Variants in PLCG2 observed in about 807,000 individuals in gnomAD.
The protein encoded by PLCG2 is phospholipase C gamma 2, also known as 1-phosphatidylinositol 4,5-bisphosphate phosphodiesterase gamma-2.
A neutral mutation model predicts 175.6 loss-of-function variants in PLCG2; 69 were observed. That is an observed-to-expected ratio of 0.39 (90% confidence interval 0.32 to 0.48). The LOEUF is 0.48. Ranked by LOEUF, PLCG2 falls within the 20% of genes least tolerant of loss-of-function variation. PLCG2 has a pLI of 0.91. For missense variants in PLCG2, 1,798 were observed against 1,650.9 expected (o/e 1.09, Z -1.54); for synonymous variants, 827 against 624.0 (o/e 1.33, Z -4.85).
intron 1 of PLCG2, among the ~76,000 whole-genome samples, chr16:81,751,839 T>C (rs540925019): frequency 1.4e-4 from 21 of 152,062 alleles, no homozygotes; most frequent in African/African-American, 4.6e-4. Flanking sequence ...CTGGCCACCA[T>C]GGTGAAATCT....
At chr16:81,825,771 C>T (rs1162324320) in intron 2 of PLCG2, among the ~76,000 whole-genome samples, 1 of 152,210 alleles carries the variant, frequency 6.6e-6, no homozygotes, top group African/African-American at 2.4e-5. Context: ...TAAATATTTA[C>T]TGAGCCCCTC....
In PLCG2 at chr16:81,962,395, A is replaced by C. The variant is rs1911810606; in HGVS notation, c.*4397A>C. 1 of 211,844 alleles carries C rather than the reference A, an allele frequency of 4.7e-6. No individual in the cohort carries two copies. 13.1% of individuals were successfully genotyped at this position (211,844 alleles called of 1,614,324 possible). A position where few individuals can be genotyped will look rare whatever the true frequency, so the allele number is the denominator to read the frequency against. ...AAATTGGCATTTAAAAATACTCAAT[A>C]ATTTGTCCCTGGTTTTTAATTTTCA... On this transcript the variant is annotated 3_prime_UTR_variant, in exon 33 of 33. Coordinates refer to ENST00000564138, the MANE Select transcript of PLCG2 (RefSeq NM_002661.5).
At chr16:81,870,415 T>C (rs1448253102) in intron 6 of PLCG2, among the ~76,000 whole-genome samples, 1 of 152,216 alleles carries the variant, frequency 6.6e-6, no homozygotes, top group African/African-American at 2.4e-5. Flanking sequence ...GACCTATATG[T>C]ACGTACTCTA....
upstream of PLCG2, among the ~76,000 whole-genome samples, chr16:81,778,578 A>G (rs920334334): frequency 6.6e-6 from 1 of 152,204 alleles, no homozygotes; most frequent in African/African-American, 2.4e-5. Context: ...CCATGAGATC[A>G]GGAAAACGGG....
intron 1 of PLCG2, among the ~76,000 whole-genome samples, chr16:81,747,508 C>T (rs1438146452): frequency 5.3e-5 from 8 of 152,082 alleles, no homozygotes; most frequent in Non-Finnish European, 1.2e-4. Context: ...GCACTCCAGC[C>T]TGGGCGACAG....
intron 2 of PLCG2, among the ~76,000 whole-genome samples, chr16:81,763,335 C>T (rs1910078276): frequency 6.6e-6 from 1 of 152,212 alleles, no homozygotes; most frequent in Admixed American, 6.5e-5. Context: ...GCAACAATAA[C>T]TCAGATTTTC....
intron 2 of PLCG2, among the ~76,000 whole-genome samples, chr16:81,832,252 T>C (rs1295430154): frequency 2.0e-5 from 3 of 152,206 alleles, no homozygotes; most frequent in Non-Finnish European, 4.4e-5. Context: ...GAGGTGGCAG[T>C]CACCATCAGA....
intron 2 of PLCG2, among the ~76,000 whole-genome samples, chr16:81,807,427 A>C (rs1358428011): frequency 2.6e-5 from 4 of 152,190 alleles, no homozygotes; most frequent in Non-Finnish European, 4.4e-5. Flanking sequence ...TTCAGGCTGA[A>C]GCATTTTTTC....
intron 2 of PLCG2, among the ~76,000 whole-genome samples, chr16:81,791,513 A>G (rs1911229984): frequency 6.6e-6 from 1 of 152,172 alleles, no homozygotes; most frequent in South Asian, 2.1e-4. Context: ...ATCTTCACTC[A>G]CACATCTGAT....
rs768215951 is a variant in PLCG2 at position 81,891,399 on chromosome 16, G to A, written c.868-73G>A. 27 of 874,398 alleles carry A rather than the reference G, an allele frequency of 3.1e-5. 1 individual carries two copies. The highest frequency in any genetic ancestry group is 1.7e-4 in the South Asian group (13 of 74,820). 54.2% of individuals were successfully genotyped at this position (874,398 alleles called of 1,614,324 possible). A position where few individuals can be genotyped will look rare whatever the true frequency, so the allele number is the denominator to read the frequency against. Reference sequence around the variant, plus strand: ...GAGCTGTTCTTCCCCCCTGGTGGGCGCAGACCAGAAACAAGCAGACACCAT... The same window carrying A: ...GAGCTGTTCTTCCCCCCTGGTGGGCACAGACCAGAAACAAGCAGACACCAT... On this transcript the variant is annotated intron_variant, in intron 10 of 32. Coordinates refer to ENST00000564138, the MANE Select transcript of PLCG2 (RefSeq NM_002661.5).
intron 5 of PLCG2, among the ~76,000 whole-genome samples, chr16:81,868,507 G>A (rs1039756597): frequency 6.6e-6 from 1 of 152,146 alleles, no homozygotes; most frequent in Non-Finnish European, 1.5e-5. Context: ...CTGTGGTTTT[G>A]GTTCCTCTGG....
At position 81,960,498 on chromosome 16, in the gene PLCG2, G is replaced by A. The variant is rs575964063; in HGVS notation, c.*2500G>A. ...TTATTACAAGGAAAAATAAAGTGGGGAGGCTGGTTAGGCCTTGTGAGTTTG... is the reference window on the plus strand; with the variant it reads ...TTATTACAAGGAAAAATAAAGTGGGAAGGCTGGTTAGGCCTTGTGAGTTTG... On this transcript the variant is annotated 3_prime_UTR_variant, in exon 33 of 33. Coordinates refer to ENST00000564138, the MANE Select transcript of PLCG2 (RefSeq NM_002661.5). The A allele has an allele frequency of 2.1e-4, 48 of 231,284 alleles. No individual in the cohort carries two copies. The South Asian group carries it at 8.4e-3, about 40-fold the overall frequency. The allele number at this position is 231,284 out of a possible 1,614,324, so 14.3% of individuals were successfully genotyped here.
At chr16:81,788,005 T>A (rs529473884) in intron 2 of PLCG2, among the ~76,000 whole-genome samples, 128 of 152,358 alleles carry the variant, frequency 8.4e-4, no homozygotes, top group African/African-American at 3.0e-3. Flanking sequence ...TTTTGGCTAA[T>A]ATAAATAGTG....
In PLCG2 at chr16:81,908,360, T is replaced by C. The variant is rs577213620; in HGVS notation, c.1558-56T>C. ...GGGTGAGACAGAAGGACCTGTCTAG[T>C]GATGCTGGGGTTTGGTCCAAGGCTT... On this transcript the variant is annotated intron_variant, in intron 16 of 32. Transcript: ENST00000564138. 1.0e-5 allele frequency: 15 copies of C among 1,507,294 alleles called. No homozygotes were observed. The East Asian group carries it at 2.3e-4, about 23-fold the overall frequency. 93.4% of individuals were successfully genotyped at this position (1,507,294 alleles called of 1,614,324 possible).
chr16:81,862,791 AG>A (rs1272283915), intron 5 of PLCG2, among the ~76,000 whole-genome samples: 13 of 152,168 alleles, frequency 8.5e-5, no homozygotes, highest in African/African-American at 3.1e-4. Context: ...GGATCATCTG[AG>A]CCCAGGGAGG....
chr16:81,913,028 C>G (rs563781185), intron 19 of PLCG2, among the ~76,000 whole-genome samples: 3 of 152,338 alleles, frequency 2.0e-5, no homozygotes, highest in Admixed American at 6.5e-5. Context: ...GATTAAGTAA[C>G]TTGCTGAAGC....
Position 81,928,482 on chromosome 16 carries a change from G to A in PLCG2, c.2515-76G>A, listed in dbSNP as rs114200362. On this transcript the variant is annotated intron_variant, in intron 23 of 32. Coordinates refer to ENST00000564138, the MANE Select transcript of PLCG2 (RefSeq NM_002661.5). ...TCCACAGGCAGTATCTCTGCTAAACGGTGTGCTTTGGAAACGGGTTTTCTT... is the reference window on the plus strand; with the variant it reads ...TCCACAGGCAGTATCTCTGCTAAACAGTGTGCTTTGGAAACGGGTTTTCTT... 1.4e-3 allele frequency: 1,266 copies of A among 897,634 alleles called. 14 individuals carry two copies. The African/African-American group carries it at 0.019, about 13-fold the overall frequency. The allele number at this position is 897,634 out of a possible 1,614,324, so 55.6% of individuals were successfully genotyped here.
intron 13 of PLCG2, among the ~76,000 whole-genome samples, chr16:81,896,342 T>C (rs565676802): frequency 4.1e-5 from 6 of 147,440 alleles, no homozygotes; most frequent in African/African-American, 1.5e-4. Context: ...CTGGGCAACA[T>C]GGTGAAACCC....
chr16:81,895,917 G>C lies in PLCG2; in HGVS notation c.1183G>C (p.Val395Leu), dbSNP rs776466361. ...GCAGGCCATCAAAGACCACGCCTTT[G>C]TTACCTCGAGGTCAGTTGGCTGATT... The part of the protein sequence containing the change: ...VVQAIKDHAF[V>L]TSSFPVILSI... Residue 395 changes from valine (V) to leucine (L), a missense_variant, in exon 13 of 33, where the codon GTT becomes CTT. Transcript: ENST00000564138. 2 of 1,614,108 alleles carry C rather than the reference G, an allele frequency of 1.2e-6. No homozygotes were observed. The highest frequency in any genetic ancestry group is 1.7e-6 in the Non-Finnish European group (2 of 1,180,016).
Sources: allele counts gnomAD v4.1 joint callset (sites outside exome capture counted in the v4.1 genomes callset), GRCh38; gene constraint gnomAD v4.1.1; transcripts MANE v1.5; gene names NCBI Gene and HGNC (gene_info 2026-07-23, HGNC 2026-07-21).